NUP210L: variants seen among roughly 807,000 people sequenced by gnomAD.
The protein encoded by NUP210L is nucleoporin 210 like.
Under a neutral mutation model 208.5 loss-of-function variants are expected in NUP210L, and 74 were observed. That is an observed-to-expected ratio of 0.35 (90% CI 0.29 to 0.43). NUP210L has a LOEUF of 0.43. NUP210L is among the 20% of genes least tolerant of loss of function. The pLI is 1.00. For missense variants in NUP210L, 1,843 were observed against 2,289.4 expected (o/e 0.81, Z 3.98); for synonymous variants, 780 against 816.9 (o/e 0.95, Z 0.77).
chr1:154,040,468 T>A (rs1047824658), intron 27 of NUP210L, among the ~76,000 whole-genome samples: 1 of 151,960 alleles, frequency 6.6e-6, no homozygotes, highest in African/African-American at 2.4e-5. Context: ...GGAGAAATAG[T>A]GTACAAGAGA....
At chr1:154,061,170 G>A in intron 18 of NUP210L, 124 bp from the exon 19 acceptor site, 1 of 616,754 alleles carries the variant, frequency 1.6e-6, no homozygotes, top group Non-Finnish European at 2.8e-6. Context: ...CTGAGGCCAG[G>A]AGTTTGAGAC....
At chr1:154,085,929 A>T (rs2148038681) in intron 16 of NUP210L, among the ~76,000 whole-genome samples, 1 of 152,270 alleles carries the variant, frequency 6.6e-6, no homozygotes, top group Non-Finnish European at 1.5e-5. Context: ...AAATGAAGTG[A>T]GGCTGGGCAC....
intron 4 of NUP210L, 81 bp from the exon 5 acceptor site, chr1:154,140,033 A>T (rs1319524425): frequency 3.5e-5 from 38 of 1,078,724 alleles, no homozygotes; most frequent in Non-Finnish European, 4.7e-5. Context: ...CTTTAAACAT[A>T]GTTTCTTCAA....
chr1:154,054,257 C>A, exon 25 of NUP210L: 1 of 1,614,186 alleles, frequency 6.2e-7, no homozygotes, highest in Middle Eastern at 1.6e-4. Flanking sequence ...TTGCCAGTAT[C>A]TTCATTTACT....
At chr1:154,056,753 G>T in intron 23 of NUP210L, 62 bp downstream of exon 23, 1 of 1,495,422 alleles carries the variant, frequency 6.7e-7, no homozygotes, top group Non-Finnish European at 9.0e-7. Context: ...TAAACTAACA[G>T]AAAAAGACAA....
chr1:154,074,786 G>A (rs1654952360), intron 16 of NUP210L, among the ~76,000 whole-genome samples: 1 of 152,090 alleles, frequency 6.6e-6, no homozygotes. Flanking sequence ...ACCGCACCCC[G>A]CTGGGATCAT....
chr1:153,995,710 G>A, intron 37 of NUP210L: 1 of 972,582 alleles, frequency 1.0e-6, no homozygotes, highest in Non-Finnish European at 1.6e-6. Flanking sequence ...CCAAACCCTT[G>A]GTAATAGAAT....
chr1:154,040,748 G>A (rs930162272), intron 27 of NUP210L, among the ~76,000 whole-genome samples: 5 of 151,758 alleles, frequency 3.3e-5, no homozygotes, highest in Admixed American at 6.6e-5. Context: ...CACCATTCCC[G>A]GCTAAATTTT....
At chr1:154,139,476 T>C (rs892491948) in intron 5 of NUP210L, among the ~76,000 whole-genome samples, 17 of 152,152 alleles carry the variant, frequency 1.1e-4, no homozygotes, top group African/African-American at 4.1e-4. Context: ...CTAGAGGGCT[T>C]CTACTATAGA....
intron 15 of NUP210L, among the ~76,000 whole-genome samples, chr1:154,093,933 T>A (rs1358286685): frequency 6.6e-6 from 1 of 152,088 alleles, no homozygotes; most frequent in Admixed American, 6.6e-5. Flanking sequence ...GGTGGATCAC[T>A]TGATTCCAGC....
At chr1:154,054,953 T>TGCAGTG (rs1653730153) in intron 23 of NUP210L, 121 bp from the exon 24 acceptor site, 1 of 676,060 alleles carries the variant, frequency 1.5e-6, no homozygotes, top group Non-Finnish European at 2.6e-6. Flanking sequence ...CATGCTGAAG[T>TGCAGTG]GCAGTGGCAC....
At chr1:154,130,317 G>A (rs1658179940) in intron 7 of NUP210L, among the ~76,000 whole-genome samples, 1 of 151,984 alleles carries the variant, frequency 6.6e-6, no homozygotes, top group South Asian at 2.1e-4. Context: ...CTGTCACCCA[G>A]GCTAGAGTGC....
chr1:154,022,971 TG>T, intron 31 of NUP210L, 150 bp downstream of exon 31: 2 of 664,306 alleles, frequency 3.0e-6, no homozygotes, highest in Non-Finnish European at 5.0e-6. Context: ...GCCACCCACC[TG>T]GCCTCACTTA....
chr1:154,056,702 G>C, intron 23 of NUP210L, 113 bp downstream of exon 23: 1 of 1,098,850 alleles, frequency 9.1e-7, no homozygotes. Flanking sequence ...ATGGTGGTGT[G>C]AGCCACTGTG....
rs576752162 is a variant in NUP210L, at chr1:154,021,533, A to G, written c.4516+593T>C. Among the ~76,000 whole-genome samples the G allele has an allele frequency of 2.6e-5, 4 of 151,950 alleles. No homozygotes were observed. In the East Asian group the frequency reaches 7.7e-4, roughly 29 times the overall value. The stretch of plus-strand genomic sequence containing the variant: ...AAACAAAGTATAGTTTATCCGGGTA[A>G]AAGAAAAAACCTTATTACAATGATG... On this transcript the variant is annotated intron_variant, in intron 32 of 39. Coordinates refer to ENST00000368559, the Ensembl canonical transcript of NUP210L.
chr1:153,995,002 A>T, intron 38 of NUP210L, 74 bp downstream of exon 38: 1 of 970,016 alleles, frequency 1.0e-6, no homozygotes, highest in Non-Finnish European at 1.6e-6. Context: ...ACAGACTTAA[A>T]CTCCATCTCA....
At chr1:154,127,325 C>A (rs1403447419) in exon 9 of NUP210L, 1 of 1,559,924 alleles carries the variant, frequency 6.4e-7, no homozygotes, top group Non-Finnish European at 8.8e-7. Flanking sequence ...GAAATATAGA[C>A]CTTTGTGCTG....
intron 25 of NUP210L, among the ~76,000 whole-genome samples, chr1:154,047,633 A>C (rs1048456536): frequency 3.9e-5 from 6 of 152,194 alleles, no homozygotes; most frequent in African/African-American, 9.7e-5. Context: ...CCTTTGTTTC[A>C]TGTAAGGAAT....
In NUP210L at chr1:154,100,448, A is replaced by G. The variant is rs1243759510; in HGVS notation, c.1820-305T>C. Among the ~76,000 whole-genome samples, 45 of 137,018 alleles carry G rather than the reference A, an allele frequency of 3.3e-4. 1 individual carries two copies. The highest frequency in any genetic ancestry group is 1.2e-3 in the African/African-American group (45 of 37,302). 89.9% of individuals were successfully genotyped at this position (137,018 alleles called of 152,430 possible). On this transcript the variant is annotated intron_variant, in intron 13 of 39. Transcript: ENST00000368559. ...CCTGGGCAAGAGTAAGACCTTACCT[A>G]AAAAAAAAAAAAAACCCAAAACAAA...
Sources: gnomAD v4.1 joint callset for allele counts (sites outside exome capture counted in the v4.1 genomes callset) on GRCh38, gnomAD v4.1.1 for gene constraint, MANE v1.5 for transcripts, NCBI Gene and HGNC (gene_info 2026-07-23, HGNC 2026-07-21) for gene names.